Variants in LOC128125817 observed in about 807,000 individuals in gnomAD.
the LOC128125817 span, among the ~76,000 whole-genome samples, chr1:41,588,498 G>T: frequency 6.8e-4 from 104 of 152,282 alleles, 1 homozygote; most frequent in Middle Eastern, 3.4e-3. Context: ...AGCAGCTGGG[G>T]TTTGGTGCAA....
At chr1:41,586,319 T>G in the LOC128125817 span, among the ~76,000 whole-genome samples, 3 of 152,196 alleles carry the variant, frequency 2.0e-5, no homozygotes, top group Non-Finnish European at 2.9e-5. Flanking sequence ...ATCCCAAGGC[T>G]GGAGTCACCA....
the LOC128125817 span, among the ~76,000 whole-genome samples, chr1:41,624,087 C>A: frequency 6.6e-6 from 1 of 152,168 alleles, no homozygotes; most frequent in Non-Finnish European, 1.5e-5. Context: ...ACATGGCCTC[C>A]CTGGGTTGCG....
chr1:41,615,798 C>CAA, the LOC128125817 span, among the ~76,000 whole-genome samples: 1 of 140,280 alleles, frequency 7.1e-6, no homozygotes, highest in Non-Finnish European at 1.5e-5. Flanking sequence ...GCAGGGCTTC[C>CAA]ACTGTATTTG....
chr1:41,623,919 T>C, the LOC128125817 span, among the ~76,000 whole-genome samples: 2 of 151,884 alleles, frequency 1.3e-5, no homozygotes, highest in African/African-American at 4.8e-5. Flanking sequence ...ACGTGTATGC[T>C]CCCCACCCCC....
the LOC128125817 span, among the ~76,000 whole-genome samples, chr1:41,602,026 A>G: frequency 1.1e-4 from 16 of 151,636 alleles, no homozygotes; most frequent in Non-Finnish European, 2.9e-5. Context: ...CTTTATTCTG[A>G]TAATGTGATG....
the LOC128125817 span, among the ~76,000 whole-genome samples, chr1:41,596,232 T>C: frequency 2.0e-5 from 3 of 152,206 alleles, no homozygotes; most frequent in Non-Finnish European, 4.4e-5. Flanking sequence ...GACTGCCCTC[T>C]GAAAGCAGGT....
At chr1:41,607,635 CT>C in the LOC128125817 span, among the ~76,000 whole-genome samples, 656 of 151,154 alleles carry the variant, frequency 4.3e-3, 5 homozygotes, top group African/African-American at 0.015. Context: ...CTCTTTCATT[CT>C]ATTGGTTTGC....
chr1:41,597,201 A>G, the LOC128125817 span, among the ~76,000 whole-genome samples: 1 of 152,164 alleles, frequency 6.6e-6, no homozygotes, highest in Non-Finnish European at 1.5e-5. Context: ...CCCGGCTGGT[A>G]TTTGTCTTCC....
At chr1:41,610,598 T>C in the LOC128125817 span, among the ~76,000 whole-genome samples, 1 of 152,164 alleles carries the variant, frequency 6.6e-6, no homozygotes, top group South Asian at 2.1e-4. Flanking sequence ...TGAATATCAG[T>C]CACTGGTGGG....
At chr1:41,585,399 G>T in the LOC128125817 span, 1 of 398,574 alleles carries the variant, frequency 2.5e-6, no homozygotes, top group South Asian at 1.3e-4. Flanking sequence ...TGCACAGCCT[G>T]GGCAGCCCAG....
At chr1:41,593,621 C>T in the LOC128125817 span, among the ~76,000 whole-genome samples, 135 of 152,366 alleles carry the variant, frequency 8.9e-4, no homozygotes, top group African/African-American at 2.9e-3. Context: ...TTTACACTTC[C>T]GCCAATGGCG....
At chr1:41,590,116 A>C in the LOC128125817 span, among the ~76,000 whole-genome samples, 11 of 152,334 alleles carry the variant, frequency 7.2e-5, no homozygotes, top group Non-Finnish European at 1.0e-4. Context: ...AAAAAATACT[A>C]AAAGTGGCTG....
chr1:41,620,782 C>A, the LOC128125817 span, among the ~76,000 whole-genome samples: 1 of 152,202 alleles, frequency 6.6e-6, no homozygotes, highest in African/African-American at 2.4e-5. Context: ...CCCATTCACC[C>A]AGTCACTCAC....
the LOC128125817 span, among the ~76,000 whole-genome samples, chr1:41,594,527 C>T: frequency 6.6e-6 from 1 of 152,266 alleles, no homozygotes; most frequent in Admixed American, 6.5e-5. Context: ...TGGCCGATAT[C>T]TTATGTTTTA....
chr1:41,617,429 T>C, the LOC128125817 span, among the ~76,000 whole-genome samples: 1 of 152,362 alleles, frequency 6.6e-6, no homozygotes, highest in Admixed American at 6.5e-5. Context: ...CTGACCCTTT[T>C]TCTCCAGACA....
chr1:41,587,376 A>G, the LOC128125817 span, among the ~76,000 whole-genome samples: 1 of 152,198 alleles, frequency 6.6e-6, no homozygotes, highest in African/African-American at 2.4e-5. Flanking sequence ...AAGACAGACA[A>G]ATCTCATTTC....
At chr1:41,609,931 A>T in the LOC128125817 span, among the ~76,000 whole-genome samples, 1 of 152,248 alleles carries the variant, frequency 6.6e-6, no homozygotes, top group African/African-American at 2.4e-5. Context: ...TGAATTGGTA[A>T]ACTCTGAGTA....
the LOC128125817 span, among the ~76,000 whole-genome samples, chr1:41,620,344 C>A: frequency 1.1e-3 from 166 of 152,326 alleles, no homozygotes; most frequent in African/African-American, 3.6e-3. Context: ...GACATAGTTT[C>A]TTTTAGGATA....
chr1:41,627,344 C>T, the LOC128125817 span, among the ~76,000 whole-genome samples: 89,165 of 152,046 alleles, frequency 0.59, 27,588 homozygotes, highest in African/African-American at 0.79. Flanking sequence ...CCAGTAAGTG[C>T]CTCACACAAC....
Sources: allele counts gnomAD v4.1 joint callset (sites outside exome capture counted in the v4.1 genomes callset), GRCh38; gene constraint gnomAD v4.1.1; transcripts MANE v1.5.